HERC5: variants seen among roughly 807,000 people sequenced by gnomAD.
HERC5 encodes the protein E3 ISG15--protein ligase HERC5.
In HERC5, 99 loss-of-function variants were observed where a neutral mutation model predicts 119.6. That is an observed-to-expected ratio of 0.83 (90% CI 0.70 to 0.98). The LOEUF (loss-of-function observed/expected upper bound fraction) is 0.98. HERC5 is among the 50% of genes least tolerant of loss of function. The pLI is 0.00. For missense variants in HERC5, 1,267 were observed against 1,241.3 expected, an observed-to-expected ratio of 1.02 and a Z score of -0.31; for synonymous variants, 478 against 445.9, an observed-to-expected ratio of 1.07 and a Z score of -0.91.
chr4:88,468,048 G>A (rs1356374973), intron 7 of HERC5: 1 of 211,156 alleles, frequency 4.7e-6, no homozygotes, highest in Non-Finnish European at 8.6e-6. Flanking sequence ...AATGGGAGTT[G>A]AATTAAACTG....
chr4:88,490,716 C>T (rs1012234735), intron 16 of HERC5, among the ~76,000 whole-genome samples: 2 of 151,932 alleles, frequency 1.3e-5, no homozygotes, highest in Admixed American at 1.3e-4. Context: ...TGGTGGCGGG[C>T]GCCTGTAATC....
intron 18 of HERC5, among the ~76,000 whole-genome samples, chr4:88,499,129 G>A (rs1172607585): frequency 7.2e-5 from 11 of 152,174 alleles, no homozygotes; most frequent in Admixed American, 7.2e-4. Context: ...ATACCTGTGT[G>A]ATTTCCATAG....
intron 10 of HERC5, among the ~76,000 whole-genome samples, chr4:88,471,934 TTCCCTCCCTTCTTTCC>T (rs1371726667): frequency 1.3e-5 from 2 of 149,330 alleles, no homozygotes; most frequent in Non-Finnish European, 3.0e-5. Flanking sequence ...CCCGCCCTTC[TTCCCTCCCTTCTTTCC>T]TCCCTCCCTC....
At chr4:88,479,636 T>G (rs1578054327) in intron 13 of HERC5, 129 bp downstream of exon 13, 1 of 568,234 alleles carries the variant, frequency 1.8e-6, no homozygotes, top group Non-Finnish European at 2.8e-6. Flanking sequence ...TTTTTAATTT[T>G]TTTTTAAAAT....
At chr4:88,467,519 A>G (rs1023421364) in intron 7 of HERC5, among the ~76,000 whole-genome samples, 2 of 152,208 alleles carry the variant, frequency 1.3e-5, no homozygotes, top group Admixed American at 1.3e-4. Context: ...GTTGTTTACT[A>G]ATTCTTGTAA....
chr4:88,484,268 C>G (rs150827761), intron 13 of HERC5, among the ~76,000 whole-genome samples: 1 of 152,292 alleles, frequency 6.6e-6, no homozygotes, highest in African/African-American at 2.4e-5. Flanking sequence ...ACTCAGGTAT[C>G]TGAAGTCTTT....
chr4:88,481,592 A>G (rs1741278991), intron 13 of HERC5, among the ~76,000 whole-genome samples: 1 of 152,066 alleles, frequency 6.6e-6, no homozygotes, highest in South Asian at 2.1e-4. Context: ...AAAGGTTTTA[A>G]ATTATTACCC....
At chr4:88,486,909 A>G (rs1328437950) in intron 14 of HERC5, among the ~76,000 whole-genome samples, 160 bp from the exon 15 acceptor site, 1 of 152,224 alleles carries the variant, frequency 6.6e-6, no homozygotes, top group East Asian at 1.9e-4. Flanking sequence ...TGATACATAT[A>G]AAACACATTT....
intron 14 of HERC5, among the ~76,000 whole-genome samples, chr4:88,486,644 A>G (rs1741474824): frequency 6.6e-6 from 1 of 152,130 alleles, no homozygotes; most frequent in Non-Finnish European, 1.5e-5. Flanking sequence ...GTAGCAGTTG[A>G]CCCGAAGTGT....
At chr4:88,504,637 CT>C in intron 22 of HERC5, 40 bp downstream of exon 22, 2 of 1,239,412 alleles carry the variant, frequency 1.6e-6, no homozygotes, top group Non-Finnish European at 2.2e-6. Flanking sequence ...AATCGTATGT[CT>C]TTTTAATGGG....
intron 18 of HERC5, among the ~76,000 whole-genome samples, chr4:88,498,934 T>C (rs1741874004): frequency 6.6e-6 from 1 of 152,160 alleles, no homozygotes; most frequent in Non-Finnish European, 1.5e-5. Context: ...GGAGAACAGT[T>C]CACCGCCTTC....
In HERC5 at chr4:88,468,477, G is replaced by A. The variant is rs182202408; in HGVS notation, c.1134+55G>A. 1.8e-4 allele frequency: 229 copies of A among 1,239,898 alleles called. No homozygotes were observed. The African/African-American group carries it at 3.0e-3, about 16-fold the overall frequency. The allele number at this position is 1,239,898 out of a possible 1,614,324, so 76.8% of individuals were successfully genotyped here. The stretch of plus-strand genomic sequence containing the variant: ...CCTGGTATTTTAAGCAAAACTAAGG[G>A]TTCTAGTATCCCAGTTTGGTGAATT... On this transcript the variant is annotated intron_variant, in intron 8 of 22. Coordinates refer to ENST00000264350, the MANE Select transcript of HERC5 (RefSeq NM_016323.4).
chr4:88,457,320 G>A lies in HERC5; in HGVS notation c.51G>A (p.Ala17=). The A allele has an allele frequency of 7.2e-7, 1 of 1,390,612 alleles. No homozygotes were observed. Among genetic ancestry groups the A allele is most frequent in the Non-Finnish European group, 9.3e-7 (1 of 1,076,258 alleles). The allele number at this position is 1,390,612 out of a possible 1,614,324, so 86.1% of individuals were successfully genotyped here. The part of the protein sequence containing the change: ...RKSRRNGRST[A]GKAAATQPAK... ...CGCGGCGCAACGGGCGCTCGACCGC[G>A]GGCAAGGCCGCCGCGACCCAGCCCG... Residue 17 remains alanine, a synonymous_variant, in exon 1 of 23, where the codon GCG becomes GCA. Coordinates refer to ENST00000264350, the MANE Select transcript of HERC5 (RefSeq NM_016323.4).
At chr4:88,495,470 G>A (rs1389569154) in intron 18 of HERC5, among the ~76,000 whole-genome samples, 1 of 152,130 alleles carries the variant, frequency 6.6e-6, no homozygotes, top group African/African-American at 2.4e-5. Flanking sequence ...TGAGGCAGGT[G>A]GATAGATTGA....
At chr4:88,491,284 C>G (rs1302153258) in intron 16 of HERC5, among the ~76,000 whole-genome samples, 6 of 152,070 alleles carry the variant, frequency 3.9e-5, no homozygotes, top group African/African-American at 9.7e-5. Context: ...AGTATAACAT[C>G]TGGGTAGAAA....
intron 13 of HERC5, 70 bp from the exon 14 acceptor site, chr4:88,486,045 C>T: frequency 1.2e-6 from 1 of 800,418 alleles, no homozygotes; most frequent in Non-Finnish European, 2.1e-6. Context: ...ATCTGATAAT[C>T]TAATTAACAG....
chr4:88,501,601 G>A (rs749753514), intron 20 of HERC5, among the ~76,000 whole-genome samples: 2 of 152,156 alleles, frequency 1.3e-5, no homozygotes, highest in Admixed American at 1.3e-4. Flanking sequence ...CTTTTTCCAC[G>A]ATTTCTTAAT....
chr4:88,497,980 C>G (rs1361855657), intron 18 of HERC5, among the ~76,000 whole-genome samples: 1 of 152,206 alleles, frequency 6.6e-6, no homozygotes, highest in Admixed American at 6.5e-5. Context: ...AGTCCCTACT[C>G]ATTGCATTCT....
At chr4:88,490,710 G>C (rs1273101697) in intron 16 of HERC5, among the ~76,000 whole-genome samples, 1 of 152,072 alleles carries the variant, frequency 6.6e-6, no homozygotes, top group Non-Finnish European at 1.5e-5. Context: ...TGGGTGTGGT[G>C]GCGGGCGCCT....
Sources: gnomAD v4.1 joint callset for allele counts (sites outside exome capture counted in the v4.1 genomes callset) on GRCh38, gnomAD v4.1.1 for gene constraint, MANE v1.5 for transcripts, NCBI Gene and HGNC (gene_info 2026-07-23, HGNC 2026-07-21) for gene names.